The following SEMA6A variants were observed in gnomAD, a reference collection of about 807,000 sequenced individuals.
The protein encoded by SEMA6A is semaphorin 6A, also known as semaphorin-6A.
A neutral mutation model predicts 96.8 loss-of-function variants in SEMA6A; 25 were observed. The ratio of observed to expected loss-of-function variants is 0.26; its 90% confidence interval spans 0.19 to 0.36. The LOEUF (loss-of-function observed/expected upper bound fraction) is 0.36. Among genes scored for constraint, SEMA6A ranks in the 10% least tolerant of loss-of-function variants. The pLI, the probability that SEMA6A is intolerant of heterozygous loss-of-function variation, is 1.00. For missense variants in SEMA6A, 1,363 were observed against 1,323.1 expected, an observed-to-expected ratio of 1.03 and a Z score of -0.47; for synonymous variants, 612 against 518.0, an observed-to-expected ratio of 1.18 and a Z score of -2.46.
At chr5:116,562,721 C>CAGACT (rs1286884144) in intron 1 of SEMA6A, 2 of 733,156 alleles carry the variant, frequency 2.7e-6, no homozygotes, top group Non-Finnish European at 5.1e-6. Flanking sequence ...AACCCTCTGC[C>CAGACT]GTGTGACTGG....
chr5:116,480,655 C>T (rs1172292841), intron 11 of SEMA6A, among the ~76,000 whole-genome samples: 1 of 152,102 alleles, frequency 6.6e-6, no homozygotes, highest in Non-Finnish European at 1.5e-5. Flanking sequence ...TGCATTTACT[C>T]TACAGAGGGA....
intron 15 of SEMA6A, among the ~76,000 whole-genome samples, chr5:116,477,518 A>G (rs1226148885): frequency 1.3e-5 from 2 of 152,152 alleles, no homozygotes; most frequent in Non-Finnish European, 2.9e-5. Context: ...TTGGTATCCT[A>G]TTGCTCCTTT....
chr5:116,491,491 C>T (rs1482275376), intron 7 of SEMA6A, among the ~76,000 whole-genome samples: 3 of 151,986 alleles, frequency 2.0e-5, no homozygotes, highest in African/African-American at 7.3e-5. Flanking sequence ...CATTCCCTAA[C>T]TGATCCATCA....
At chr5:116,479,414 T>A (rs1756638306) in intron 12 of SEMA6A, among the ~76,000 whole-genome samples, 1 of 152,234 alleles carries the variant, frequency 6.6e-6, no homozygotes, top group African/African-American at 2.4e-5. Context: ...GCAAGTTATA[T>A]ACCATGGTTT....
intron 1 of SEMA6A, among the ~76,000 whole-genome samples, chr5:116,564,623 T>A (rs1760953816): frequency 6.6e-6 from 1 of 152,176 alleles, no homozygotes; most frequent in Non-Finnish European, 1.5e-5. Context: ...TACAGCAATT[T>A]ACTCCCCAAA....
At chr5:116,562,725 T>C in intron 1 of SEMA6A, 1 of 733,802 alleles carries the variant, frequency 1.4e-6, no homozygotes, top group Non-Finnish European at 2.6e-6. Context: ...CTCTGCCGTG[T>C]GACTGGTGGG....
At chr5:116,511,927 G>T (rs565791962) in intron 1 of SEMA6A, among the ~76,000 whole-genome samples, 13 of 152,214 alleles carry the variant, frequency 8.5e-5, no homozygotes, top group Non-Finnish European at 1.9e-4. Context: ...ATAAACAGAT[G>T]TGGACATATC....
At chr5:116,523,179 T>C (rs1004054420) in intron 1 of SEMA6A, among the ~76,000 whole-genome samples, 1 of 152,180 alleles carries the variant, frequency 6.6e-6, no homozygotes, top group South Asian at 2.1e-4. Context: ...AGCAAAGGCA[T>C]GTTTCCTCCT....
At chr5:116,463,574 T>C (rs990411981) in intron 18 of SEMA6A, among the ~76,000 whole-genome samples, 1 of 152,242 alleles carries the variant, frequency 6.6e-6, no homozygotes, top group Non-Finnish European at 1.5e-5. Flanking sequence ...CTATCCATTT[T>C]AGCTTATTCA....
intron 1 of SEMA6A, among the ~76,000 whole-genome samples, chr5:116,534,144 C>T (rs907537606): frequency 2.0e-5 from 3 of 152,202 alleles, no homozygotes; most frequent in Admixed American, 6.5e-5. Flanking sequence ...TCTGTAACTT[C>T]ACCAAAACTA....
chr5:116,493,982 C>A (rs1757457176), intron 6 of SEMA6A, among the ~76,000 whole-genome samples: 1 of 152,162 alleles, frequency 6.6e-6, no homozygotes, highest in African/African-American at 2.4e-5. Flanking sequence ...CACAACTCTT[C>A]CTTTATTTCC....
intron 1 of SEMA6A, among the ~76,000 whole-genome samples, chr5:116,539,391 T>C (rs993360739): frequency 2.6e-5 from 4 of 152,178 alleles, no homozygotes; most frequent in African/African-American, 7.2e-5. Flanking sequence ...TATGAAAGCA[T>C]TTTCCTTGTT....
At chr5:116,499,980 C>T (rs1053016008) in intron 3 of SEMA6A, among the ~76,000 whole-genome samples, 9 of 152,218 alleles carry the variant, frequency 5.9e-5, no homozygotes, top group African/African-American at 2.2e-4. Context: ...GAACAATTCA[C>T]AAGAGATTCT....
intron 1 of SEMA6A, among the ~76,000 whole-genome samples, chr5:116,505,450 C>T (rs1758099766): frequency 8.7e-6 from 1 of 114,566 alleles, no homozygotes; most frequent in African/African-American, 3.8e-5. Flanking sequence ...TACACAGACA[C>T]ACGCACGCGC....
In SEMA6A at chr5:116,488,906, C is replaced by T. The variant is rs751224500; in HGVS notation, c.637G>A (p.Asp213Asn). ...TGTTCACCTTTCAACCATTTTGAAT[C>T]GTGCTTGACGGTCCGCAGGGTAGGG... is the stretch of plus-strand genomic sequence containing the variant. ...ESPTLRTVKH[D>N]SKWLKEPYFV... The change falls in exon 8 of 19, where the codon GAT (aspartate) becomes AAT (asparagine). Residue 213 changes from aspartate to asparagine, a missense_variant. By Grantham distance (23) the Asp-to-Asn change is conservative. Coordinates refer to ENST00000343348, the MANE Select transcript of SEMA6A (RefSeq NM_020796.5). 1.9e-6 allele frequency: 3 copies of T among 1,578,418 alleles called. No homozygotes were observed. Among genetic ancestry groups the T allele is most frequent in the Non-Finnish European group, 1.7e-6 (2 of 1,160,992 alleles).
chr5:116,566,597 T>C (rs954188227), intron 1 of SEMA6A, among the ~76,000 whole-genome samples: 2 of 152,238 alleles, frequency 1.3e-5, no homozygotes, highest in African/African-American at 4.8e-5. Flanking sequence ...CATGGAGGCA[T>C]TCCTGGAAAA....
intron 5 of SEMA6A, chr5:116,495,737 G>T (rs1010509838): frequency 4.2e-6 from 2 of 471,098 alleles, no homozygotes; most frequent in Non-Finnish European, 7.5e-6. Context: ...GGAAGATTGT[G>T]TGTTTATTTT....
rs2112902190 is a variant in SEMA6A, at chr5:116,559,907, G to A, written c.-39+14278C>T. 2.0e-5 allele frequency among the ~76,000 whole-genome samples: 3 copies of A among 152,316 alleles called. No homozygotes were observed. In the South Asian group the frequency reaches 6.2e-4, roughly 32 times the overall value. On this transcript the variant is annotated intron_variant, in intron 1 of 18. Transcript: ENST00000343348. ...ATTTATACTTCTAAAACACGGATCTGGTGACATCATCCTCTTGCTGAAAAG... is the reference window on the plus strand; with the variant it reads ...ATTTATACTTCTAAAACACGGATCTAGTGACATCATCCTCTTGCTGAAAAG...
chr5:116,553,226 C>G (rs984577513), intron 1 of SEMA6A, among the ~76,000 whole-genome samples: 1 of 152,176 alleles, frequency 6.6e-6, no homozygotes, highest in Non-Finnish European at 1.5e-5. Flanking sequence ...ACTTTAAACA[C>G]AAATACCTTT....
Sources: allele counts gnomAD v4.1 joint callset (sites outside exome capture counted in the v4.1 genomes callset), GRCh38; gene constraint gnomAD v4.1.1; transcripts MANE v1.5; gene names NCBI Gene and HGNC (gene_info 2026-07-23, HGNC 2026-07-21).